Variants in CNTN5 observed in about 807,000 individuals in gnomAD.
The protein encoded by CNTN5 is contactin 5.
A neutral mutation model predicts 129.1 loss-of-function variants in CNTN5; 77 were observed. That is an observed-to-expected ratio of 0.60 (90% CI 0.50 to 0.72). The LOEUF is 0.72. Ranked by LOEUF, CNTN5 falls within the 30% of genes least tolerant of loss-of-function variation. The pLI, the probability that CNTN5 is intolerant of heterozygous loss-of-function variation, is 0.00. For synonymous variants in CNTN5, 509 were observed against 465.6 expected, an observed-to-expected ratio of 1.09 and a Z score of -1.20; for missense variants, 1,478 against 1,328.8, an observed-to-expected ratio of 1.11 and a Z score of -1.75.
At chr11:100,245,061 A>G (rs1315048437) in intron 16 of CNTN5, among the ~76,000 whole-genome samples, 2 of 152,060 alleles carry the variant, frequency 1.3e-5, no homozygotes, top group Non-Finnish European at 2.9e-5. Flanking sequence ...ACTCAAATTG[A>G]CTTAAACAAT....
intron 18 of CNTN5, among the ~76,000 whole-genome samples, chr11:100,282,614 G>A (rs1363108357): frequency 6.6e-6 from 1 of 152,198 alleles, no homozygotes; most frequent in Admixed American, 6.5e-5. Flanking sequence ...TCAAGGCCCT[G>A]GGGCTCTACA....
chr11:99,526,574 G>T (rs1947495765), intron 2 of CNTN5, among the ~76,000 whole-genome samples: 2 of 152,304 alleles, frequency 1.3e-5, no homozygotes, highest in Admixed American at 6.5e-5. Context: ...GGTTGGAGCT[G>T]ATCAACAAGT....
chr11:99,377,229 T>C (rs1169972133), intron 2 of CNTN5, among the ~76,000 whole-genome samples: 2 of 152,112 alleles, frequency 1.3e-5, no homozygotes, highest in African/African-American at 4.8e-5. Context: ...TCTCATATTT[T>C]GGGGGAGTGG....
intron 3 of CNTN5, among the ~76,000 whole-genome samples, chr11:99,785,508 T>G (rs1250909805): frequency 1.3e-5 from 2 of 152,090 alleles, no homozygotes; most frequent in Non-Finnish European, 2.9e-5. Flanking sequence ...TGCCTAGGTT[T>G]TCATCCTTAT....
intron 2 of CNTN5, among the ~76,000 whole-genome samples, chr11:99,530,584 C>A (rs1363245831): frequency 1.3e-5 from 2 of 152,166 alleles, no homozygotes; most frequent in African/African-American, 2.4e-5. Flanking sequence ...ACACAGCTTC[C>A]ATACTGATAT....
At chr11:99,883,706 A>G (rs949270558) in intron 6 of CNTN5, among the ~76,000 whole-genome samples, 2 of 152,224 alleles carry the variant, frequency 1.3e-5, no homozygotes, top group Non-Finnish European at 2.9e-5. Flanking sequence ...ATGTATTTAT[A>G]AAGTATGGCT....
intron 2 of CNTN5, among the ~76,000 whole-genome samples, chr11:99,544,066 G>A (rs1451336029): frequency 6.6e-6 from 1 of 152,116 alleles, no homozygotes; most frequent in Non-Finnish European, 1.5e-5. Context: ...AAAGAAAGGG[G>A]TTTAATTGGC....
intron 9 of CNTN5, among the ~76,000 whole-genome samples, chr11:100,040,447 T>C (rs533268871): frequency 1.1e-4 from 16 of 152,274 alleles, no homozygotes; most frequent in African/African-American, 3.6e-4. Context: ...TTCTTCCCAT[T>C]CTCAGATCTC....
chr11:99,121,744 C>A (rs2135409312), intron 1 of CNTN5, among the ~76,000 whole-genome samples: 1 of 152,156 alleles, frequency 6.6e-6, no homozygotes, highest in South Asian at 2.1e-4. Flanking sequence ...ACAGTATTTT[C>A]AATATTAATA....
At chr11:100,247,358 G>A (rs143075979) in intron 16 of CNTN5, among the ~76,000 whole-genome samples, 1,821 of 152,300 alleles carry the variant, frequency 0.012, 22 homozygotes, top group Non-Finnish European at 0.021. Context: ...GGAAAAAAAG[G>A]AAAGTATAAC....
chr11:99,739,205 T>TTA (rs1943812923), intron 3 of CNTN5, among the ~76,000 whole-genome samples: 1 of 152,258 alleles, frequency 6.6e-6, no homozygotes, highest in South Asian at 2.1e-4. Flanking sequence ...AAAAGTTTAT[T>TTA]TATAATAATA....
chr11:99,217,405 C>G (rs377010288), intron 1 of CNTN5, among the ~76,000 whole-genome samples: 4 of 152,242 alleles, frequency 2.6e-5, no homozygotes, highest in Admixed American at 6.5e-5. Flanking sequence ...GTTAAGTTGA[C>G]TTGTATCCAT....
chr11:99,233,644 G>A (rs7943765), intron 1 of CNTN5, among the ~76,000 whole-genome samples: 23,414 of 152,138 alleles, frequency 0.15, 1,920 homozygotes, highest in South Asian at 0.24. Flanking sequence ...TTAATCGTAT[G>A]TGTATTAAAT....
chr11:100,070,592 G>A, intron 11 of CNTN5, 32 bp downstream of exon 11: 1 of 1,606,790 alleles, frequency 6.2e-7, no homozygotes, highest in East Asian at 2.2e-5. Flanking sequence ...CTGTTCTGCT[G>A]TAATTTTAGC....
chr11:99,641,821 A>G (rs972737986), intron 3 of CNTN5, among the ~76,000 whole-genome samples: 3 of 152,046 alleles, frequency 2.0e-5, no homozygotes, highest in African/African-American at 4.8e-5. Flanking sequence ...ACCCTGCTCA[A>G]TCCTGCTATT....
chr11:99,443,544 T>G (rs1337785129), intron 2 of CNTN5, among the ~76,000 whole-genome samples: 1 of 152,210 alleles, frequency 6.6e-6, no homozygotes, highest in African/African-American at 2.4e-5. Flanking sequence ...TGATGTCACT[T>G]CTCATTTGTA....
chr11:100,032,155 T>G (rs1941746470), intron 9 of CNTN5, among the ~76,000 whole-genome samples: 1 of 152,126 alleles, frequency 6.6e-6, no homozygotes. Context: ...TAACTTTACT[T>G]TTATATATTT....
intron 2 of CNTN5, among the ~76,000 whole-genome samples, chr11:99,527,639 G>A (rs566965887): frequency 6.6e-6 from 1 of 152,176 alleles, no homozygotes; most frequent in South Asian, 2.1e-4. Context: ...ATTGAAACAT[G>A]AAGGCATATA....
At chr11:99,863,354 G>A (rs1485639327) in intron 6 of CNTN5, among the ~76,000 whole-genome samples, 1 of 152,124 alleles carries the variant, frequency 6.6e-6, no homozygotes, top group Non-Finnish European at 1.5e-5. Context: ...TTTCAGGTAG[G>A]AGGATTTGCC....
Sources: gnomAD v4.1 joint callset for allele counts (sites outside exome capture counted in the v4.1 genomes callset) on GRCh38, gnomAD v4.1.1 for gene constraint, MANE v1.5 for transcripts, NCBI Gene and HGNC (gene_info 2026-07-23, HGNC 2026-07-21) for gene names.